FSD1L: variants seen among roughly 807,000 people sequenced by gnomAD.
The protein encoded by FSD1L is FSD1-like protein.
FSD1L carries 45 observed loss-of-function variants against 71.6 expected under a neutral mutation model. The observed-to-expected ratio is 0.63, with a 90% confidence interval of 0.49 to 0.81. FSD1L has a LOEUF of 0.81. FSD1L is among the 30% of genes least tolerant of loss of function. The pLI is 0.00. For missense variants in FSD1L, 561 were observed against 618.1 expected, an observed-to-expected ratio of 0.91 and a Z score of 0.98; for synonymous variants, 197 against 207.2, an observed-to-expected ratio of 0.95 and a Z score of 0.42.
Position 105,521,313 on chromosome 9 carries a change from G to A in FSD1L, c.1025+8377G>A. ...CAGAGAAGAAAGCAAAAATGATAAT[G>A]CTGATAAAGCAGACAGAACTACAGA... On this transcript the variant is annotated intron_variant, in intron 10 of 13. Coordinates refer to ENST00000481272, the MANE Select transcript of FSD1L (RefSeq NM_001145313.3). The A allele has an allele frequency of 4.3e-6, 7 of 1,614,206 alleles. No homozygotes were observed. In the South Asian group the frequency reaches 7.7e-5, roughly 18 times the overall value.
Position 105,525,105 on chromosome 9 carries a change from C to T in FSD1L, c.1026-9388C>T, listed in dbSNP as rs1835425666. The T allele has an allele frequency of 2.6e-6, 4 of 1,550,636 alleles. No individual in the cohort carries two copies. The South Asian group carries it at 3.8e-5, about 15-fold the overall frequency. Reference sequence around the variant, plus strand: ...TCTGCTATACTGTATGGCCCACCTCCTGTAAGTGGCTTGTCAGAACCTACA... The same window carrying T: ...TCTGCTATACTGTATGGCCCACCTCTTGTAAGTGGCTTGTCAGAACCTACA... On this transcript the variant is annotated intron_variant, in intron 10 of 13. Coordinates refer to ENST00000481272, the MANE Select transcript of FSD1L (RefSeq NM_001145313.3).
chr9:105,501,932 A>G lies in FSD1L; in HGVS notation c.587-4467A>G, dbSNP rs560789235. Among the ~76,000 whole-genome samples the G allele has an allele frequency of 8.5e-4, 130 of 152,098 alleles. 1 individual carries two copies. The highest frequency in any genetic ancestry group is 3.0e-3 in the African/African-American group (124 of 41,512). ...TTCCTATCATTCATCCCTTTGTGTT[A>G]GTTTTGTAGATCACTCATTTCCACC... On this transcript the variant is annotated intron_variant, in intron 7 of 13. Coordinates refer to ENST00000481272, the MANE Select transcript of FSD1L (RefSeq NM_001145313.3).
chr9:105,464,602 A>G (rs893253812), intron 3 of FSD1L, among the ~76,000 whole-genome samples: 4 of 152,210 alleles, frequency 2.6e-5, no homozygotes, highest in Non-Finnish European at 4.4e-5. Context: ...CATTTTTTCT[A>G]ATATAAATTA....
intron 10 of FSD1L, among the ~76,000 whole-genome samples, chr9:105,515,913 C>G (rs532737208): frequency 7.2e-5 from 11 of 152,266 alleles, no homozygotes; most frequent in African/African-American, 2.6e-4. Context: ...GTCCCACCCC[C>G]ATGGAACCCA....
chr9:105,539,983 G>T (rs142767774), intron 13 of FSD1L, among the ~76,000 whole-genome samples: 1 of 152,022 alleles, frequency 6.6e-6, no homozygotes, highest in South Asian at 2.1e-4. Flanking sequence ...AAATGTATGT[G>T]TATATTTCCA....
chr9:105,509,478 T>C (rs932782124), intron 9 of FSD1L, among the ~76,000 whole-genome samples: 2 of 152,198 alleles, frequency 1.3e-5, no homozygotes, highest in Non-Finnish European at 2.9e-5. Context: ...ACTTTCCTAG[T>C]TGTGAGATGG....
Position 105,551,185 on chromosome 9 carries a change from TCAA to T in FSD1L, c.*4704_*4706del, listed in dbSNP as rs941820573. Reference sequence around the variant, plus strand: ...ACCTATTAAGGGAGACTCTTTAAAATCAACTTTATAACTAATTCATACTATAAG... The same window carrying T: ...ACCTATTAAGGGAGACTCTTTAAAATCTTTATAACTAATTCATACTATAAG... On this transcript the variant is annotated 3_prime_UTR_variant, in exon 14 of 14. Transcript: ENST00000481272. 2.0e-5 allele frequency: 3 copies of T among 152,098 alleles called. No individual in the cohort carries two copies. The highest frequency in any genetic ancestry group is 4.4e-5 in the Non-Finnish European group (3 of 67,980). 9.4% of individuals were successfully genotyped at this position (152,098 alleles called of 1,614,324 possible).
chr9:105,506,935 C>T (rs1422133737), intron 8 of FSD1L, among the ~76,000 whole-genome samples: 1 of 152,082 alleles, frequency 6.6e-6, no homozygotes, highest in Non-Finnish European at 1.5e-5. Flanking sequence ...CCACACTTAG[C>T]TAATTTTTGT....
intron 1 of FSD1L, among the ~76,000 whole-genome samples, chr9:105,456,086 C>T (rs767351152): frequency 5.9e-5 from 9 of 152,180 alleles, no homozygotes; most frequent in Non-Finnish European, 1.2e-4. Flanking sequence ...TCCAGGTTTC[C>T]AGATTGTTGA....
At chr9:105,443,562 G>A (rs886571740), upstream of FSD1L, among the ~76,000 whole-genome samples, 2 of 152,118 alleles carry the variant, frequency 1.3e-5, no homozygotes, top group East Asian at 3.9e-4. Context: ...TGAGTGCCCA[G>A]GATCAGAAAT....
intron 10 of FSD1L, chr9:105,524,757 A>G: frequency 6.2e-7 from 1 of 1,611,318 alleles, no homozygotes; most frequent in Non-Finnish European, 8.5e-7. Context: ...GCATGGATTA[A>G]TCTCTATAGC....
At chr9:105,482,189 A>G (rs991030536) in intron 6 of FSD1L, among the ~76,000 whole-genome samples, 1 of 152,240 alleles carries the variant, frequency 6.6e-6, no homozygotes, top group Admixed American at 6.5e-5. Context: ...ATCATTTATC[A>G]TTTGCTATGG....
intron 5 of FSD1L, 145 bp downstream of exon 5, chr9:105,472,150 G>A: frequency 1.0e-6 from 1 of 984,632 alleles, no homozygotes; most frequent in Non-Finnish European, 1.4e-6. Flanking sequence ...AATGCTGGCT[G>A]TTCATTTATT....
chr9:105,534,679 C>T, intron 11 of FSD1L, 86 bp downstream of exon 11: 1 of 749,270 alleles, frequency 1.3e-6, no homozygotes. Context: ...AAGTGACTGC[C>T]TGTATATTGA....
At chr9:105,490,630 T>C (rs1160441432) in intron 7 of FSD1L, among the ~76,000 whole-genome samples, 1 of 144,440 alleles carries the variant, frequency 6.9e-6, no homozygotes, top group African/African-American at 2.6e-5. Flanking sequence ...AGGGTTTTTA[T>C]GGTTTTAGGT....
chr9:105,532,575 A>G (rs1461362380), intron 10 of FSD1L, among the ~76,000 whole-genome samples: 2 of 152,092 alleles, frequency 1.3e-5, no homozygotes, highest in African/African-American at 4.8e-5. Context: ...TTCCCCCCTC[A>G]CGTTCTGTTT....
Position 105,506,597 on chromosome 9 carries a change from A to C in FSD1L, c.785A>C (p.Tyr262Ser). ...EIIDNIKGTE[Y>S]TLSGLKFDSK... ...ATTGATAATATTAAGGGTACTGAAT[A>C]TACACTATCAGGTAACATGACTGCA... The change falls in exon 8 of 14, where the codon TAT becomes TCT. Residue 262 changes from tyrosine (Y) to serine (S), a missense_variant. Coordinates refer to ENST00000481272, the MANE Select transcript of FSD1L (RefSeq NM_001145313.3). The C allele has an allele frequency of 6.5e-7, 1 of 1,542,240 alleles. No individual in the cohort carries two copies. The highest frequency in any genetic ancestry group is 8.8e-7 in the Non-Finnish European group (1 of 1,138,562).
intron 10 of FSD1L, among the ~76,000 whole-genome samples, chr9:105,532,113 G>C (rs1311357022): frequency 1.3e-5 from 2 of 152,124 alleles, no homozygotes; most frequent in Non-Finnish European, 2.9e-5. Flanking sequence ...TTCAGCACAT[G>C]GTTTAAACAC....
intron 7 of FSD1L, among the ~76,000 whole-genome samples, chr9:105,502,883 G>C (rs888723328): frequency 1.3e-4 from 19 of 142,624 alleles, no homozygotes; most frequent in Non-Finnish European, 1.8e-4. Context: ...ACTGTAATAA[G>C]ATTTTTTTTT....
Sources: allele counts gnomAD v4.1 joint callset (sites outside exome capture counted in the v4.1 genomes callset), GRCh38; gene constraint gnomAD v4.1.1; transcripts MANE v1.5; gene names NCBI Gene and HGNC (gene_info 2026-07-23, HGNC 2026-07-21).